The following PRKN variants were observed in gnomAD, a reference collection of about 807,000 sequenced individuals.
PRKN encodes the protein E3 ubiquitin-protein ligase parkin.
Under a neutral mutation model 59.5 loss-of-function variants are expected in PRKN, and 56 were observed. The observed-to-expected ratio is 0.94, with a 90% CI of 0.76 to 1.18. The LOEUF is 1.18. Among genes scored for constraint, PRKN ranks in the 50% most tolerant of loss-of-function variants. The pLI is 0.00. For synonymous variants in PRKN, 250 were observed against 222.1 expected (o/e 1.13, Z -1.12); for missense variants, 657 against 596.4 (o/e 1.10, Z -1.06).
At chr6:161,738,868 C>T (rs1788074127) in intron 7 of PRKN, among the ~76,000 whole-genome samples, 1 of 152,176 alleles carries the variant, frequency 6.6e-6, no homozygotes, top group African/African-American at 2.4e-5. Flanking sequence ...CTGAGGCCTA[C>T]ACAGGCATCT....
Position 161,545,960 on chromosome 6 carries a change from G to A in PRKN, c.1083+2894C>T, listed in dbSNP as rs940824267. ...TATAAACAAATGGCATGGTGGCAAA[G>A]TAGTATTTAGGAAAAGCAATTATTT... On this transcript the variant is annotated intron_variant, in intron 9 of 11. Transcript: ENST00000366898. The surrounding 1 kb of genome is among the most constrained non-coding windows in gnomAD (Gnocchi z 4.1). Among the ~76,000 whole-genome samples, 1 of 152,194 alleles carries A rather than the reference G, an allele frequency of 6.6e-6. No individual in the cohort carries two copies. The highest frequency in any genetic ancestry group is 1.5e-5 in the Non-Finnish European group (1 of 68,034).
chr6:162,610,386 C>T (rs1358601547), intron 1 of PRKN, among the ~76,000 whole-genome samples: 3 of 152,200 alleles, frequency 2.0e-5, no homozygotes, highest in Non-Finnish European at 2.9e-5. Context: ...AAATCTTACT[C>T]GCTAATAAGT....
At chr6:162,721,849 G>A (rs186989840) in intron 1 of PRKN, among the ~76,000 whole-genome samples, 1 of 152,288 alleles carries the variant, frequency 6.6e-6, no homozygotes, top group African/African-American at 2.4e-5. Context: ...CATAAAGTTG[G>A]TGCCATTGGA....
At chr6:162,474,447 A>C (rs1376575982) in intron 1 of PRKN, among the ~76,000 whole-genome samples, 1 of 152,102 alleles carries the variant, frequency 6.6e-6, no homozygotes, top group Non-Finnish European at 1.5e-5. Flanking sequence ...AACCCACCAA[A>C]TCCCATGTCA....
In PRKN at chr6:162,385,588, G is replaced by A. The variant is rs553518856; in HGVS notation, c.171+57722C>T. Among the ~76,000 whole-genome samples, 9 of 152,108 alleles carry A rather than the reference G, an allele frequency of 5.9e-5. No individual in the cohort carries two copies. In the South Asian group the frequency reaches 1.2e-3, roughly 21 times the overall value. ...TGGTGTTTAAATAACTTGACTGCGC[G>A]CTATTTCAGCAGGTCCTTTCCCGCT... On this transcript the variant is annotated intron_variant, in intron 2 of 11. Coordinates refer to ENST00000366898, the MANE Select transcript of PRKN (RefSeq NM_004562.3).
chr6:161,788,256 G>A (rs1238162720), intron 6 of PRKN, among the ~76,000 whole-genome samples: 1 of 152,146 alleles, frequency 6.6e-6, no homozygotes, highest in African/African-American at 2.4e-5. Flanking sequence ...CCTGCTATTT[G>A]GAGAACATTA....
chr6:161,514,787 CAGG>C (rs1162003707), intron 9 of PRKN, among the ~76,000 whole-genome samples: 5 of 152,078 alleles, frequency 3.3e-5, no homozygotes, highest in African/African-American at 1.2e-4. Flanking sequence ...GCTCTGGTTC[CAGG>C]AGGACTGCGG....
At chr6:162,264,997 C>T (rs1009794260) in intron 2 of PRKN, among the ~76,000 whole-genome samples, 13 of 152,254 alleles carry the variant, frequency 8.5e-5, no homozygotes, top group African/African-American at 3.1e-4. Flanking sequence ...ATGATAATAG[C>T]TTTGTAATTA....
intron 4 of PRKN, among the ~76,000 whole-genome samples, chr6:162,089,269 T>C (rs138695623): frequency 4.6e-5 from 7 of 152,288 alleles, no homozygotes; most frequent in African/African-American, 1.7e-4. Context: ...AAGGAAGTTA[T>C]ACAAATGGCC....
intron 6 of PRKN, among the ~76,000 whole-genome samples, chr6:161,826,307 T>A (rs1049641016): frequency 6.6e-5 from 10 of 152,138 alleles, no homozygotes; most frequent in Non-Finnish European, 1.5e-4. Flanking sequence ...AAATTAAAAA[T>A]AAATTATTAG....
At chr6:162,062,759 G>C (rs1214451732) in intron 4 of PRKN, among the ~76,000 whole-genome samples, 1 of 152,112 alleles carries the variant, frequency 6.6e-6, no homozygotes, top group Non-Finnish European at 1.5e-5. Context: ...TTTTGTCATG[G>C]CAGTCCTAGC....
chr6:161,447,601 C>A lies in PRKN; in HGVS notation c.1084-60724G>T, dbSNP rs566903501. ...CTCCGCCTCCCGGGTTCAAGCGATG[C>A]TCCTGCCTCAGCCTCCCGAGTAGCT... is the stretch of plus-strand genomic sequence containing the variant. On this transcript the variant is annotated intron_variant, in intron 9 of 11. Coordinates refer to ENST00000366898, the MANE Select transcript of PRKN (RefSeq NM_004562.3). The surrounding 1 kb of genome is among the most constrained non-coding windows in gnomAD (Gnocchi z 4.1). Among the ~76,000 whole-genome samples the A allele has an allele frequency of 6.6e-6, 1 of 152,104 alleles. No homozygotes were observed. Among genetic ancestry groups the A allele is most frequent in the Non-Finnish European group, 1.5e-5 (1 of 68,024 alleles).
At chr6:161,572,622 T>C (rs371404092) in intron 7 of PRKN, among the ~76,000 whole-genome samples, 3 of 152,206 alleles carry the variant, frequency 2.0e-5, no homozygotes, top group East Asian at 3.9e-4. Context: ...ATTGTGCCAA[T>C]GCACTCCAGC....
rs58991968 is a variant in PRKN, at chr6:162,663,530, T to C, written c.7+64132A>G. On this transcript the variant is annotated intron_variant, in intron 1 of 11. Transcript: ENST00000366898. ...GGAAACAATCACAAAACGAAGAGCA[T>C]TTTAAATATTGTTTTAAAATGTTTT... 3.3e-3 allele frequency among the ~76,000 whole-genome samples: 501 copies of C among 152,260 alleles called. 3 individuals are homozygous for C. Among genetic ancestry groups the C allele is most frequent in the African/African-American group, 0.012 (485 of 41,552 alleles).
At chr6:162,703,136 A>C (rs1347770469) in intron 1 of PRKN, among the ~76,000 whole-genome samples, 1 of 152,204 alleles carries the variant, frequency 6.6e-6, no homozygotes, top group Non-Finnish European at 1.5e-5. Flanking sequence ...GCAACAAAAA[A>C]AACTTACTTT....
At chr6:162,121,845 T>C (rs538169641) in intron 4 of PRKN, among the ~76,000 whole-genome samples, 1 of 152,268 alleles carries the variant, frequency 6.6e-6, no homozygotes, top group African/African-American at 2.4e-5. Flanking sequence ...CCTCAGGCCT[T>C]ATTTACAGAT....
chr6:161,613,684 A>G (rs1400711341), intron 7 of PRKN, among the ~76,000 whole-genome samples: 4 of 152,306 alleles, frequency 2.6e-5, no homozygotes, highest in African/African-American at 9.6e-5. Flanking sequence ...AGCCATCAAC[A>G]TGAAGGTAAG....
chr6:162,125,462 C>T (rs1391787605), intron 4 of PRKN, among the ~76,000 whole-genome samples: 2 of 151,972 alleles, frequency 1.3e-5, no homozygotes, highest in Non-Finnish European at 2.9e-5. Flanking sequence ...ATTTTTTTCC[C>T]TACAAAAGAC....
chr6:162,216,556 A>AC (rs1777676629), intron 3 of PRKN, among the ~76,000 whole-genome samples: 1 of 151,036 alleles, frequency 6.6e-6, no homozygotes, highest in Non-Finnish European at 1.5e-5. Flanking sequence ...AAAAAAAAAA[A>AC]AAAAAAAACC....
Sources: allele counts gnomAD v4.1 joint callset (sites outside exome capture counted in the v4.1 genomes callset), GRCh38; gene constraint gnomAD v4.1.1; non-coding constraint Gnocchi (gnomAD v3.1); transcripts MANE v1.5; gene names NCBI Gene and HGNC (gene_info 2026-07-23, HGNC 2026-07-21).